The following SLC4A4 variants were observed in gnomAD, a reference collection of about 807,000 sequenced individuals.
SLC4A4 encodes the protein solute carrier family 4 member 4.
Under a neutral mutation model 111.5 loss-of-function variants are expected in SLC4A4, and 27 were observed. The ratio of observed to expected loss-of-function variants is 0.24; its 90% CI spans 0.18 to 0.33. SLC4A4 has a LOEUF of 0.33. SLC4A4 is among the 10% of genes least tolerant of loss of function. SLC4A4 has a pLI of 1.00. For synonymous variants in SLC4A4, 443 were observed against 463.4 expected (o/e 0.96, Z 0.57); for missense variants, 909 against 1,315.5 (o/e 0.69, Z 4.78).
rs144202392 is a variant in SLC4A4, at chr4:71,515,605, C to T, written c.2167-16457C>T. On this transcript the variant is annotated intron_variant, in intron 16 of 25. Coordinates refer to ENST00000264485, the MANE Select transcript of SLC4A4 (RefSeq NM_001098484.3). The stretch of plus-strand genomic sequence containing the variant: ...CTTCTACTGTTATTGTATTGCATTC[C>T]GTCTTTTCAGGTCTAGTAATATTTG... Among the ~76,000 whole-genome samples the T allele has an allele frequency of 5.7e-4, 86 of 152,134 alleles. 1 individual carries two copies. The East Asian group carries it at 0.016, about 28-fold the overall frequency.
intron 1 of SLC4A4, among the ~76,000 whole-genome samples, chr4:71,196,218 G>T (rs1451657628): frequency 6.6e-6 from 1 of 152,214 alleles, no homozygotes; most frequent in Non-Finnish European, 1.5e-5. Context: ...GCAGCGAGTA[G>T]GGCCTCATGG....
intron 3 of SLC4A4, among the ~76,000 whole-genome samples, chr4:71,256,220 C>A (rs1721441431): frequency 6.6e-6 from 1 of 152,178 alleles, no homozygotes; most frequent in Non-Finnish European, 1.5e-5. Context: ...GAGCTCTGTA[C>A]ATTCTTCATG....
chr4:71,262,629 ACTT>A (rs1217293175), intron 3 of SLC4A4, among the ~76,000 whole-genome samples: 3 of 152,130 alleles, frequency 2.0e-5, no homozygotes, highest in Non-Finnish European at 4.4e-5. Context: ...CTAAGGCAAT[ACTT>A]CTTATTTGGA....
At chr4:71,457,114 G>C (rs1346807202) in intron 12 of SLC4A4, among the ~76,000 whole-genome samples, 2 of 152,148 alleles carry the variant, frequency 1.3e-5, no homozygotes, top group Non-Finnish European at 2.9e-5. Context: ...CATGGCTGTT[G>C]TCTAAGCAAA....
chr4:71,383,558 T>A (rs1718368035), intron 6 of SLC4A4, among the ~76,000 whole-genome samples: 1 of 152,206 alleles, frequency 6.6e-6, no homozygotes, highest in South Asian at 2.1e-4. Context: ...ATGGTGAGTA[T>A]ATGGGATCGC....
intron 3 of SLC4A4, among the ~76,000 whole-genome samples, chr4:71,277,420 A>G (rs1371852307): frequency 6.6e-6 from 1 of 151,800 alleles, no homozygotes; most frequent in Non-Finnish European, 1.5e-5. Flanking sequence ...CTTTTTTGCC[A>G]TCTGTGTATC....
chr4:71,510,090 A>T (rs6832887), intron 16 of SLC4A4, among the ~76,000 whole-genome samples: 17,754 of 152,016 alleles, frequency 0.12, 1,251 homozygotes, highest in African/African-American at 0.2. Context: ...CCTAATCTGA[A>T]TTTTGGACTT....
intron 16 of SLC4A4, among the ~76,000 whole-genome samples, chr4:71,500,064 C>T (rs184801368): frequency 4.1e-4 from 63 of 152,240 alleles, no homozygotes; most frequent in Non-Finnish European, 7.4e-4. Flanking sequence ...CAAGGGTTAC[C>T]TTTTCTCCAC....
intron 4 of SLC4A4, among the ~76,000 whole-genome samples, chr4:71,342,502 G>A (rs116070909): frequency 2.6e-5 from 4 of 152,220 alleles, no homozygotes; most frequent in East Asian, 1.9e-4. Flanking sequence ...GATGAAGGTC[G>A]TATTGAGTTG....
At chr4:71,561,835 A>G (rs920698053) in intron 23 of SLC4A4, among the ~76,000 whole-genome samples, 1 of 151,970 alleles carries the variant, frequency 6.6e-6, no homozygotes, top group Non-Finnish European at 1.5e-5. Flanking sequence ...ATATTAAAAT[A>G]ATTAAAGCAG....
At chr4:71,412,354 TC>T (rs1721431370) in intron 7 of SLC4A4, among the ~76,000 whole-genome samples, 2 of 152,136 alleles carry the variant, frequency 1.3e-5, no homozygotes, top group African/African-American at 4.8e-5. Flanking sequence ...TAGAAGTAAC[TC>T]ATCCAAAACT....
At chr4:71,251,676 A>C (rs1721080884) in intron 2 of SLC4A4, among the ~76,000 whole-genome samples, 1 of 152,234 alleles carries the variant, frequency 6.6e-6, no homozygotes, top group African/African-American at 2.4e-5. Context: ...TGTAGATTCC[A>C]GTAGTTTTAC....
intron 1 of SLC4A4, among the ~76,000 whole-genome samples, chr4:71,084,398 GTATTT>G (rs1242377504): frequency 6.6e-6 from 1 of 151,802 alleles, no homozygotes; most frequent in Non-Finnish European, 1.5e-5. Context: ...TTTTTAAATT[GTATTT>G]TATTTTCTTT....
intron 14 of SLC4A4, among the ~76,000 whole-genome samples, chr4:71,477,579 G>A (rs921058164): frequency 4.0e-5 from 6 of 151,704 alleles, no homozygotes; most frequent in East Asian, 1.9e-4. Context: ...ATTGAATCTC[G>A]AGGCTACAAA....
At chr4:71,354,029 A>G (rs1243087982) in intron 5 of SLC4A4, among the ~76,000 whole-genome samples, 1 of 152,256 alleles carries the variant, frequency 6.6e-6, no homozygotes, top group Admixed American at 6.5e-5. Context: ...GAATGTTAAT[A>G]GAAAAATTTA....
intron 2 of SLC4A4, among the ~76,000 whole-genome samples, chr4:71,099,172 C>T (rs1436094478): frequency 6.6e-6 from 1 of 152,148 alleles, no homozygotes; most frequent in African/African-American, 2.4e-5. Flanking sequence ...CTCATTGTCA[C>T]ATACTCTAAA....
chr4:71,285,074 A>G (rs1365071472), intron 3 of SLC4A4, among the ~76,000 whole-genome samples: 3 of 152,308 alleles, frequency 2.0e-5, no homozygotes, highest in Admixed American at 2.0e-4. Context: ...GCAGAGTCTC[A>G]GTAGTCTCAG....
At chr4:71,258,420 T>C (rs1426832526) in intron 3 of SLC4A4, among the ~76,000 whole-genome samples, 2 of 152,222 alleles carry the variant, frequency 1.3e-5, no homozygotes, top group African/African-American at 4.8e-5. Flanking sequence ...TCAGAATATA[T>C]GTTTTAACAT....
At chr4:71,157,917 G>T (rs1489385394) in intron 2 of SLC4A4, among the ~76,000 whole-genome samples, 1 of 152,058 alleles carries the variant, frequency 6.6e-6, no homozygotes, top group Admixed American at 6.5e-5. Context: ...ACACCCACCT[G>T]CCTTAAAGCC....
Sources: gnomAD v4.1 joint callset for allele counts (sites outside exome capture counted in the v4.1 genomes callset) on GRCh38, gnomAD v4.1.1 for gene constraint, MANE v1.5 for transcripts, NCBI Gene and HGNC (gene_info 2026-07-23, HGNC 2026-07-21) for gene names.